TSG101: variants seen among roughly 807,000 people sequenced by gnomAD.
TSG101 encodes the protein tumor susceptibility gene 101 protein.
TSG101 carries 19 observed loss-of-function variants against 48.5 expected under a neutral mutation model. The ratio of observed to expected loss-of-function variants is 0.39; its 90% CI spans 0.27 to 0.58. TSG101 has a LOEUF of 0.58. Ranked by LOEUF, TSG101 falls within the 20% of genes least tolerant of loss-of-function variation. The pLI is 0.55. For missense variants in TSG101, 365 were observed against 484.4 expected (o/e 0.75, Z 2.31); for synonymous variants, 174 against 169.4 (o/e 1.03, Z -0.21).
chr11:18,525,818 T>C (rs1036283286), intron 1 of TSG101: 5 of 416,296 alleles, frequency 1.2e-5, no homozygotes, highest in Non-Finnish European at 1.6e-5. Context: ...TATTTGGTCT[T>C]CAATCAAGAA....
At chr11:18,516,252 T>C (rs1590287172) in intron 2 of TSG101, 88 bp from the exon 3 acceptor site, 14 of 1,211,088 alleles carry the variant, frequency 1.2e-5, no homozygotes, top group Middle Eastern at 2.3e-4. Flanking sequence ...TTAAAATTCA[T>C]CATTATCCTT....
chr11:18,480,688 G>T, intron 9 of TSG101, 53 bp from the exon 10 acceptor site: 1 of 1,530,528 alleles, frequency 6.5e-7, no homozygotes, highest in Non-Finnish European at 9.0e-7. Flanking sequence ...TTTAGGCCCA[G>T]GCATAAAATA....
rs1024694961 is a variant in TSG101, at chr11:18,499,254, TTA to T, written c.640+3230_640+3231del. 8.2e-3 allele frequency among the ~76,000 whole-genome samples: 1,122 copies of T among 136,058 alleles called. 14 individuals are homozygous for T. The highest frequency in any genetic ancestry group is 0.029 in the African/African-American group (1,049 of 36,716). 89.3% of individuals were successfully genotyped at this position (136,058 alleles called of 152,430 possible). On this transcript the variant is annotated intron_variant, in intron 7 of 9. Transcript: ENST00000251968. The stretch of plus-strand genomic sequence containing the variant: ...TGATATATAATTATATATTTATATA[TTA>T]TATATATTTTATATATATTTATATA...
intron 1 of TSG101, among the ~76,000 whole-genome samples, chr11:18,521,032 G>GAA (rs148238384): frequency 1.4e-5 from 2 of 137,934 alleles, no homozygotes; most frequent in Admixed American, 7.3e-5. Context: ...CTCCGTCTTG[G>GAA]AAAAAAAAAA....
chr11:18,521,139 C>A (rs1850266370), intron 1 of TSG101, among the ~76,000 whole-genome samples: 1 of 151,940 alleles, frequency 6.6e-6, no homozygotes, highest in Non-Finnish European at 1.5e-5. Flanking sequence ...ATCTGAGTAT[C>A]TCTGTGATAT....
At chr11:18,504,970 A>C (rs1849945515) in intron 6 of TSG101, among the ~76,000 whole-genome samples, 1 of 152,196 alleles carries the variant, frequency 6.6e-6, no homozygotes, top group Non-Finnish European at 1.5e-5. Flanking sequence ...ATGTTCTTCT[A>C]ATCTCTGCTT....
chr11:18,506,372 T>G (rs1849971414), intron 6 of TSG101, among the ~76,000 whole-genome samples: 1 of 141,080 alleles, frequency 7.1e-6, no homozygotes, highest in African/African-American at 2.5e-5. Context: ...GAAAAATATT[T>G]TATAATACTC....
intron 4 of TSG101, among the ~76,000 whole-genome samples, chr11:18,512,456 A>G (rs1256266429): frequency 6.6e-6 from 1 of 152,112 alleles, no homozygotes; most frequent in African/African-American, 2.4e-5. Context: ...TCTTGAATGC[A>G]CTGATCACAA....
intron 8 of TSG101, among the ~76,000 whole-genome samples, chr11:18,483,241 T>C (rs1849570713): frequency 6.6e-6 from 1 of 152,094 alleles, no homozygotes; most frequent in Non-Finnish European, 1.5e-5. Flanking sequence ...ACTCCTGTAA[T>C]CCCAACACTT....
chr11:18,511,926 CATA>C (rs1175459856), intron 4 of TSG101, among the ~76,000 whole-genome samples: 2 of 152,028 alleles, frequency 1.3e-5, no homozygotes, highest in African/African-American at 2.4e-5. Flanking sequence ...TTTCACTTGG[CATA>C]ATGTTTTCAG....
At chr11:18,490,953 A>T in intron 7 of TSG101, 1 of 310,648 alleles carries the variant, frequency 3.2e-6, no homozygotes, top group Non-Finnish European at 6.5e-6. Flanking sequence ...ACTTTTATCC[A>T]GTCGTTCCCG....
chr11:18,487,899 T>G (rs983177051), intron 7 of TSG101, among the ~76,000 whole-genome samples: 1 of 152,180 alleles, frequency 6.6e-6, no homozygotes, highest in East Asian at 1.9e-4. Flanking sequence ...TATTTTTTGT[T>G]TTTAACTGAT....
chr11:18,499,283 A>ATT (rs1849838722), intron 7 of TSG101, among the ~76,000 whole-genome samples: 1 of 115,244 alleles, frequency 8.7e-6, no homozygotes, highest in Non-Finnish European at 1.8e-5. Flanking sequence ...ATTTATATAT[A>ATT]TCATATATAT....
At chr11:18,484,935 C>CTTGCCGCCTT (rs1849597103) in intron 7 of TSG101, among the ~76,000 whole-genome samples, 1 of 108,018 alleles carries the variant, frequency 9.3e-6, no homozygotes, top group African/African-American at 3.8e-5. Flanking sequence ...TAATTGCCGC[C>CTTGCCGCCTT]TTTTTTTTTT....
chr11:18,520,341 A>G (rs1428515497), intron 1 of TSG101, among the ~76,000 whole-genome samples: 1 of 152,156 alleles, frequency 6.6e-6, no homozygotes, highest in African/African-American at 2.4e-5. Context: ...CTCCTGCCTC[A>G]GCCTCCCAAG....
At chr11:18,517,814 G>A (rs1359636027) in intron 2 of TSG101, among the ~76,000 whole-genome samples, 1 of 152,162 alleles carries the variant, frequency 6.6e-6, no homozygotes, top group Non-Finnish European at 1.5e-5. Flanking sequence ...ATGCACGACT[G>A]TACATTCTTG....
At chr11:18,481,913 T>C (rs757190197) in intron 8 of TSG101, 44 bp from the exon 9 acceptor site, 6 of 1,597,064 alleles carry the variant, frequency 3.8e-6, no homozygotes, top group Non-Finnish European at 5.1e-6. Context: ...TACATAATTA[T>C]CCACTTGTCA....
In TSG101 at chr11:18,524,074, G is replaced by A. The variant is rs548198918; in HGVS notation, c.42+2701C>T. On this transcript the variant is annotated intron_variant, in intron 1 of 9. Coordinates refer to ENST00000251968, the MANE Select transcript of TSG101 (RefSeq NM_006292.4). ...CCCAAAGTATTGGGATTACAGGCAT[G>A]AGCCACCACACCAGGCCCACAGTTT... Among the ~76,000 whole-genome samples the A allele has an allele frequency of 3.9e-5, 6 of 152,312 alleles. No homozygotes were observed. In the South Asian group the frequency reaches 6.2e-4, roughly 16 times the overall value.
intron 6 of TSG101, among the ~76,000 whole-genome samples, chr11:18,505,406 C>T (rs547476968): frequency 6.6e-6 from 1 of 152,198 alleles, no homozygotes; most frequent in South Asian, 2.1e-4. Context: ...CAGGTTCACA[C>T]CACCATGCCT....
Sources: allele counts gnomAD v4.1 joint callset (sites outside exome capture counted in the v4.1 genomes callset), GRCh38; gene constraint gnomAD v4.1.1; transcripts MANE v1.5; gene names NCBI Gene and HGNC (gene_info 2026-07-23, HGNC 2026-07-21).